UNC5D: variants seen among roughly 807,000 people sequenced by gnomAD.
UNC5D encodes the protein netrin receptor UNC5D.
In UNC5D, 39 loss-of-function variants were observed where a neutral mutation model predicts 105.4. The ratio of observed to expected loss-of-function variants is 0.37; its 90% CI spans 0.29 to 0.48. The LOEUF is 0.48. Among genes scored for constraint, UNC5D ranks in the 20% least tolerant of loss-of-function variants. The probability of loss-of-function intolerance (pLI) is 0.98; values close to 1 mark genes in which losing one functional copy is unlikely to be tolerated. For synonymous variants in UNC5D, 452 were observed against 450.4 expected (o/e 1.00, Z -0.04); for missense variants, 991 against 1,202.4 (o/e 0.82, Z 2.60).
At chr8:35,656,050 C>T (rs1355157862) in intron 4 of UNC5D, among the ~76,000 whole-genome samples, 1 of 152,156 alleles carries the variant, frequency 6.6e-6, no homozygotes, top group African/African-American at 2.4e-5. Context: ...GTAATCTGAG[C>T]TTTAGCCTCC....
chr8:35,255,150 G>A (rs936778277), intron 1 of UNC5D: 6 of 152,182 alleles, frequency 3.9e-5, no homozygotes, highest in African/African-American at 1.2e-4. Flanking sequence ...GGAACATCCA[G>A]TCACTCAAGT....
rs567667227 is a variant in UNC5D at position 35,512,619 on chromosome 8, G to T, written c.104-36673G>T. ...TCCTTGGCTACCATGTAGAATGGAGGTGTCTGACATTCTTTGAAAACAGAG... is the reference window on the plus strand; with the variant it reads ...TCCTTGGCTACCATGTAGAATGGAGTTGTCTGACATTCTTTGAAAACAGAG... On this transcript the variant is annotated intron_variant, in intron 1 of 16. Coordinates refer to ENST00000404895, the MANE Select transcript of UNC5D (RefSeq NM_080872.4). 1.4e-4 allele frequency among the ~76,000 whole-genome samples: 20 copies of T among 138,254 alleles called. 1 individual carries two copies. The East Asian group carries it at 4.0e-3, about 28-fold the overall frequency. 90.7% of individuals were successfully genotyped at this position (138,254 alleles called of 152,430 possible).
At chr8:35,330,813 C>T (rs1486447632) in intron 1 of UNC5D, among the ~76,000 whole-genome samples, 1 of 152,106 alleles carries the variant, frequency 6.6e-6, no homozygotes, top group East Asian at 1.9e-4. Context: ...GATGCTTTGG[C>T]TTTCGAGTGT....
intron 1 of UNC5D, among the ~76,000 whole-genome samples, chr8:35,250,560 T>C (rs186423290): frequency 6.6e-6 from 1 of 152,286 alleles, no homozygotes; most frequent in Admixed American, 6.5e-5. Context: ...AGTGGCACGA[T>C]CTCGGCTCAC....
intron 11 of UNC5D, among the ~76,000 whole-genome samples, chr8:35,737,881 T>C (rs11984500): frequency 0.096 from 14,673 of 152,104 alleles, 2,040 homozygotes; most frequent in African/African-American, 0.31. Flanking sequence ...CCGAGGTGGG[T>C]GGATCACCTG....
chr8:35,523,085 G>GTT (rs200458289), intron 1 of UNC5D, among the ~76,000 whole-genome samples: 4,760 of 134,874 alleles, frequency 0.035, 320 homozygotes, highest in African/African-American at 0.12. Context: ...CATTGTATTA[G>GTT]TTTTTTTTTT....
At chr8:35,300,742 G>T (rs1358409690) in intron 1 of UNC5D, among the ~76,000 whole-genome samples, 1 of 152,114 alleles carries the variant, frequency 6.6e-6, no homozygotes, top group East Asian at 1.9e-4. Context: ...ACAGGGTGTG[G>T]ATTAGTAATT....
At chr8:35,759,563 C>G in intron 14 of UNC5D, 94 bp downstream of exon 14, 1 of 1,416,510 alleles carries the variant, frequency 7.1e-7, no homozygotes, top group Non-Finnish European at 9.6e-7. Context: ...TTTTCCTCCT[C>G]CTTTAAAGGA....
At chr8:35,365,664 G>T (rs1000069024) in intron 1 of UNC5D, among the ~76,000 whole-genome samples, 7 of 149,100 alleles carry the variant, frequency 4.7e-5, no homozygotes, top group African/African-American at 1.7e-4. Flanking sequence ...AGGCAGAGGA[G>T]ATGTAAGCTA....
At chr8:35,293,570 T>C (rs144058804) in intron 1 of UNC5D, among the ~76,000 whole-genome samples, 2 of 152,178 alleles carry the variant, frequency 1.3e-5, no homozygotes, top group African/African-American at 2.4e-5. Flanking sequence ...AAGGATCATA[T>C]CTTGAAACCC....
intron 1 of UNC5D, among the ~76,000 whole-genome samples, chr8:35,443,400 C>G (rs940584766): frequency 6.6e-6 from 1 of 151,568 alleles, no homozygotes; most frequent in East Asian, 2.0e-4. Flanking sequence ...AGCCAGCATT[C>G]TTAGGCTGGA....
At chr8:35,733,363 G>C (rs1361639452) in intron 11 of UNC5D, among the ~76,000 whole-genome samples, 1 of 152,168 alleles carries the variant, frequency 6.6e-6, no homozygotes, top group Non-Finnish European at 1.5e-5. Context: ...CTTGTGATCA[G>C]GAAAAGGCCA....
At chr8:35,734,582 G>A (rs920374188) in intron 11 of UNC5D, among the ~76,000 whole-genome samples, 1 of 151,660 alleles carries the variant, frequency 6.6e-6, no homozygotes, top group Admixed American at 6.6e-5. Context: ...GGCTAATTTT[G>A]TATTTTTAGT....
chr8:35,615,696 C>T (rs1169586350), intron 4 of UNC5D, among the ~76,000 whole-genome samples: 9 of 152,030 alleles, frequency 5.9e-5, no homozygotes, highest in Non-Finnish European at 1.3e-4. Context: ...TTTAATTTTT[C>T]ATGCCTGTGT....
At chr8:35,618,693 T>C (rs1479654014) in intron 4 of UNC5D, among the ~76,000 whole-genome samples, 1 of 152,204 alleles carries the variant, frequency 6.6e-6, no homozygotes, top group Admixed American at 6.5e-5. Context: ...TTATTTTTCA[T>C]TGTACAGATG....
chr8:35,421,602 A>G (rs1805904123), intron 1 of UNC5D, among the ~76,000 whole-genome samples: 1 of 152,140 alleles, frequency 6.6e-6, no homozygotes, highest in Admixed American at 6.5e-5. Context: ...ACAATTTTTT[A>G]TTGATTGCAT....
At chr8:35,770,326 T>C (rs901418324) in intron 15 of UNC5D, among the ~76,000 whole-genome samples, 2 of 152,204 alleles carry the variant, frequency 1.3e-5, no homozygotes, top group Non-Finnish European at 2.9e-5. Flanking sequence ...TTTAAGTCAA[T>C]GCAATAATCA....
intron 4 of UNC5D, among the ~76,000 whole-genome samples, chr8:35,622,367 A>G (rs1821414114): frequency 6.6e-6 from 1 of 151,912 alleles, no homozygotes; most frequent in Non-Finnish European, 1.5e-5. Flanking sequence ...AACAAACAAA[A>G]CAAACAAAAA....
At position 35,790,730 on chromosome 8, in the gene UNC5D, A is replaced by C. The variant is rs141005327; in HGVS notation, c.*167A>C. 120 of 683,964 alleles carry C rather than the reference A, an allele frequency of 1.8e-4. No homozygotes were observed. In the African/African-American group the frequency reaches 2.1e-3, roughly 12 times the overall value. The allele number at this position is 683,964 out of a possible 1,614,324, so 42.4% of individuals were successfully genotyped here. On this transcript the variant is annotated 3_prime_UTR_variant, in exon 17 of 17. Transcript: ENST00000404895. Reference sequence around the variant, plus strand: ...AAATTTTATATAGGTAAAACATGTTAATAGGGAAGAGTACAAGCTCTCTTA... The same window carrying C: ...AAATTTTATATAGGTAAAACATGTTCATAGGGAAGAGTACAAGCTCTCTTA...
Sources: allele counts gnomAD v4.1 joint callset (sites outside exome capture counted in the v4.1 genomes callset), GRCh38; gene constraint gnomAD v4.1.1; transcripts MANE v1.5; gene names NCBI Gene and HGNC (gene_info 2026-07-23, HGNC 2026-07-21).